CACHD1: variants seen among roughly 807,000 people sequenced by gnomAD.
CACHD1 encodes the protein cache domain containing 1.
CACHD1 carries 71 observed loss-of-function variants against 138.7 expected under a neutral mutation model. The observed-to-expected ratio is 0.51, with a 90% CI of 0.42 to 0.62. The LOEUF (loss-of-function observed/expected upper bound fraction) is 0.62. CACHD1 is among the 20% of genes least tolerant of loss of function. The pLI is 0.00. For synonymous variants in CACHD1, 578 were observed against 591.5 expected (o/e 0.98, Z 0.33); for missense variants, 1,389 against 1,625.3 (o/e 0.85, Z 2.50).
intron 2 of CACHD1, among the ~76,000 whole-genome samples, chr1:64,573,794 C>G (rs1334670580): frequency 6.6e-6 from 1 of 152,106 alleles, no homozygotes; most frequent in African/African-American, 2.4e-5. Context: ...GCAAGTCAGT[C>G]CATTGGAATC....
At chr1:64,500,051 T>A (rs1353143798) in intron 1 of CACHD1, among the ~76,000 whole-genome samples, 2 of 152,252 alleles carry the variant, frequency 1.3e-5, no homozygotes, top group African/African-American at 4.8e-5. Flanking sequence ...TAAGGATTGA[T>A]GTGGCCTTCT....
intron 1 of CACHD1, among the ~76,000 whole-genome samples, chr1:64,491,807 G>T (rs1370828934): frequency 1.3e-5 from 2 of 152,110 alleles, no homozygotes; most frequent in Non-Finnish European, 2.9e-5. Flanking sequence ...TTTTTGTAGA[G>T]CCAGGGTCTT....
At chr1:64,490,416 A>C (rs1257607198) in intron 1 of CACHD1, among the ~76,000 whole-genome samples, 1 of 152,142 alleles carries the variant, frequency 6.6e-6, no homozygotes, top group East Asian at 1.9e-4. Flanking sequence ...TTCCTGTTTG[A>C]CCTTCGAACC....
intron 22 of CACHD1, among the ~76,000 whole-genome samples, chr1:64,677,463 A>G (rs921852216): frequency 2.6e-5 from 4 of 152,208 alleles, no homozygotes; most frequent in Non-Finnish European, 5.9e-5. Flanking sequence ...GGGACTAGAC[A>G]TTATGGAAAT....
intron 13 of CACHD1, among the ~76,000 whole-genome samples, chr1:64,663,154 T>C (rs1649501202): frequency 6.7e-6 from 1 of 150,198 alleles, no homozygotes; most frequent in Admixed American, 6.6e-5. Context: ...TCTCAGATAG[T>C]TTGAAGAATT....
intron 1 of CACHD1, among the ~76,000 whole-genome samples, chr1:64,509,867 C>T (rs556514665): frequency 3.3e-5 from 5 of 152,174 alleles, no homozygotes; most frequent in Admixed American, 6.5e-5. Flanking sequence ...TTGTCTTGCA[C>T]GATTACTGTT....
chr1:64,607,665 G>A (rs1411163189), intron 4 of CACHD1, among the ~76,000 whole-genome samples: 1 of 152,202 alleles, frequency 6.6e-6, no homozygotes, highest in Non-Finnish European at 1.5e-5. Context: ...GATTAGGTAA[G>A]AGATACTGCA....
intron 6 of CACHD1, 115 bp from the exon 7 acceptor site, chr1:64,633,929 A>C: frequency 1.3e-5 from 9 of 712,728 alleles, no homozygotes; most frequent in Non-Finnish European, 2.1e-5. Context: ...TGAAACTCTC[A>C]GAATCTGTTC....
intron 26 of CACHD1, among the ~76,000 whole-genome samples, chr1:64,689,619 A>G (rs1440064323): frequency 6.6e-6 from 1 of 151,950 alleles, no homozygotes; most frequent in East Asian, 1.9e-4. Flanking sequence ...TGGTCTCTCC[A>G]TTTGCTACTC....
chr1:64,529,062 T>C (rs1646561933), intron 1 of CACHD1, among the ~76,000 whole-genome samples: 1 of 152,168 alleles, frequency 6.6e-6, no homozygotes, highest in South Asian at 2.1e-4. Context: ...GGGATTTGAA[T>C]TCATGAATCT....
rs370697878 is a variant in CACHD1 at position 64,550,594 on chromosome 1, C to T, written c.199C>T (p.Arg67Trp). 14 of 1,607,234 alleles carry T rather than the reference C, an allele frequency of 8.7e-6. No individual in the cohort carries two copies. The highest frequency in any genetic ancestry group is 1.3e-5 in the African/African-American group (1 of 74,722). Residue 67 changes from arginine (R) to tryptophan (W), a missense_variant and splice_region_variant, in exon 2 of 27, where the codon CGG becomes TGG. Arg to Trp is a moderately radical substitution (Grantham distance 101, BLOSUM62 -3). Transcript: ENST00000651257. ...CATGTTCATTTTCTTTTCATTGCAG[C>T]GGATATTCAACTCCTTTGTTTACAC... ...AEELGVVTMQ[R>W]IFNSFVYTEK...
At chr1:64,478,280 C>A (rs1256994557) in intron 1 of CACHD1, among the ~76,000 whole-genome samples, 1 of 152,144 alleles carries the variant, frequency 6.6e-6, no homozygotes, top group Non-Finnish European at 1.5e-5. Flanking sequence ...TGCTGTCTGG[C>A]CCTTGATTTC....
intron 4 of CACHD1, among the ~76,000 whole-genome samples, chr1:64,618,211 T>A (rs1253589454): frequency 1.3e-5 from 2 of 152,052 alleles, no homozygotes; most frequent in African/African-American, 4.8e-5. Context: ...GCAATAACAA[T>A]GAAAGGCATT....
intron 2 of CACHD1, among the ~76,000 whole-genome samples, chr1:64,572,130 T>G (rs1025335840): frequency 1.3e-5 from 2 of 152,180 alleles, no homozygotes; most frequent in African/African-American, 4.8e-5. Flanking sequence ...CATAGTATTT[T>G]CCCCTTTCCC....
At chr1:64,531,773 T>C (rs1646588800) in intron 1 of CACHD1, among the ~76,000 whole-genome samples, 1 of 152,220 alleles carries the variant, frequency 6.6e-6, no homozygotes, top group South Asian at 2.1e-4. Flanking sequence ...TGTGTGTTTA[T>C]ACACTGACGG....
At chr1:64,684,626 G>T (rs952886708) in intron 26 of CACHD1, among the ~76,000 whole-genome samples, 2 of 152,104 alleles carry the variant, frequency 1.3e-5, no homozygotes, top group African/African-American at 4.8e-5. Context: ...AAAGAAAAAA[G>T]TTTAATAAAT....
chr1:64,676,522 G>A (rs551655009), intron 21 of CACHD1, among the ~76,000 whole-genome samples: 1 of 152,134 alleles, frequency 6.6e-6, no homozygotes, highest in Non-Finnish European at 1.5e-5. Flanking sequence ...AGGATGGAGT[G>A]CAGTGGCGCG....
At position 64,578,725 on chromosome 1, in the gene CACHD1, A is replaced by T. The variant is rs547636478; in HGVS notation, c.262-3431A>T. Among the ~76,000 whole-genome samples, 28 of 152,348 alleles carry T rather than the reference A, an allele frequency of 1.8e-4. 1 individual carries two copies. Among genetic ancestry groups the T allele is most frequent in the East Asian group, 1.2e-3 (6 of 5,188 alleles). ...TAAGCTGGGGAGCTGCCAACTAAGC[A>T]CTGACTGTGGCCTCTCCATGTGTCT... On this transcript the variant is annotated intron_variant, in intron 2 of 26. Coordinates refer to ENST00000651257, the MANE Select transcript of CACHD1 (RefSeq NM_020925.4).
intron 1 of CACHD1, among the ~76,000 whole-genome samples, chr1:64,494,354 CCT>C (rs1646294610): frequency 6.6e-6 from 1 of 152,122 alleles, no homozygotes; most frequent in African/African-American, 2.4e-5. Flanking sequence ...TCTTCCCTCC[CCT>C]GTTTTCTCTT....
Sources: gnomAD v4.1 joint callset for allele counts (sites outside exome capture counted in the v4.1 genomes callset) on GRCh38, gnomAD v4.1.1 for gene constraint, MANE v1.5 for transcripts, NCBI Gene and HGNC (gene_info 2026-07-23, HGNC 2026-07-21) for gene names.